PCDH15: variants seen among roughly 807,000 people sequenced by gnomAD.
PCDH15 encodes the protein protocadherin related 15.
PCDH15 carries 129 observed loss-of-function variants against 178.5 expected under a neutral mutation model. The observed-to-expected ratio is 0.72, with a 90% CI of 0.63 to 0.84. The LOEUF is 0.84. Ranked by LOEUF, PCDH15 falls within the 40% of genes least tolerant of loss-of-function variation. The probability of loss-of-function intolerance (pLI) is 0.00; values close to 1 mark genes in which losing one functional copy is unlikely to be tolerated. For missense variants in PCDH15, 2,230 were observed against 2,099.9 expected, an observed-to-expected ratio of 1.06 and a Z score of -1.21; for synonymous variants, 800 against 732.0, an observed-to-expected ratio of 1.09 and a Z score of -1.50.
chr10:54,076,145 T>A (rs560648185), intron 17 of PCDH15, among the ~76,000 whole-genome samples: 51 of 152,254 alleles, frequency 3.3e-4, no homozygotes, highest in African/African-American at 1.2e-3. Flanking sequence ...CCAAAATGTT[T>A]TGTAGTTTTC....
intron 1 of PCDH15, among the ~76,000 whole-genome samples, chr10:55,318,482 A>C (rs1198585383): frequency 6.6e-6 from 1 of 152,264 alleles, no homozygotes; most frequent in Non-Finnish European, 1.5e-5. Context: ...AGTGATAAAA[A>C]TCGAAAGTTC....
chr10:54,056,713 A>C (rs919492373), intron 18 of PCDH15, among the ~76,000 whole-genome samples: 4 of 152,036 alleles, frequency 2.6e-5, no homozygotes, highest in African/African-American at 9.7e-5. Flanking sequence ...AAAACCAATC[A>C]TGCCTTCCAA....
intron 1 of PCDH15, among the ~76,000 whole-genome samples, chr10:54,720,813 T>C (rs543715958): frequency 1.3e-5 from 2 of 152,168 alleles, no homozygotes; most frequent in East Asian, 3.9e-4. Flanking sequence ...CAACACCCTA[T>C]TGACACCACT....
intron 9 of PCDH15, among the ~76,000 whole-genome samples, chr10:54,216,907 G>A (rs544669337): frequency 6.6e-6 from 1 of 152,028 alleles, no homozygotes; most frequent in African/African-American, 2.4e-5. Context: ...CAAATGTAAT[G>A]ATAAATGATA....
intron 2 of PCDH15, among the ~76,000 whole-genome samples, chr10:55,567,036 A>G (rs560759898): frequency 3.2e-4 from 48 of 152,102 alleles, no homozygotes; most frequent in African/African-American, 1.1e-3. Flanking sequence ...AACTTACTAT[A>G]AAGCTACAGT....
chr10:54,137,152 C>A (rs2042977677), intron 14 of PCDH15, among the ~76,000 whole-genome samples: 1 of 152,134 alleles, frequency 6.6e-6, no homozygotes, highest in South Asian at 2.1e-4. Flanking sequence ...CATTTAAGCA[C>A]TTAATAAAAT....
chr10:55,289,764 A>G (rs567448013), intron 1 of PCDH15, among the ~76,000 whole-genome samples: 1 of 152,162 alleles, frequency 6.6e-6, no homozygotes, highest in South Asian at 2.1e-4. Flanking sequence ...CTATTGTAAC[A>G]ATATTAACAG....
intron 2 of PCDH15, among the ~76,000 whole-genome samples, chr10:55,500,220 T>C (rs1456171043): frequency 6.6e-6 from 1 of 151,802 alleles, no homozygotes; most frequent in Non-Finnish European, 1.5e-5. Context: ...ATGTATGATA[T>C]TTTAAAATTT....
At chr10:55,587,032 C>T (rs1208137714) in intron 2 of PCDH15, among the ~76,000 whole-genome samples, 8 of 152,068 alleles carry the variant, frequency 5.3e-5, no homozygotes. Flanking sequence ...CAAAGTTTTG[C>T]TAGTGTTTCA....
chr10:54,363,976 G>A (rs1039282536), intron 5 of PCDH15, among the ~76,000 whole-genome samples: 20 of 152,086 alleles, frequency 1.3e-4, no homozygotes, highest in African/African-American at 4.6e-4. Flanking sequence ...ACTTTGGGAG[G>A]CTGAGGCAGG....
intron 2 of PCDH15, among the ~76,000 whole-genome samples, chr10:55,492,378 G>C (rs1388006384): frequency 8.6e-5 from 13 of 151,618 alleles, no homozygotes; most frequent in Non-Finnish European, 1.5e-5. Context: ...ATCAATCCAG[G>C]GACTACTTCT....
At chr10:55,400,804 C>T (rs1838043690) in intron 2 of PCDH15, among the ~76,000 whole-genome samples, 1 of 152,070 alleles carries the variant, frequency 6.6e-6, no homozygotes, top group South Asian at 2.1e-4. Context: ...TGCCCTCATT[C>T]CAACATCTCT....
chr10:54,823,022 T>C (rs140773882), intron 3 of PCDH15, among the ~76,000 whole-genome samples: 3,499 of 152,008 alleles, frequency 0.023, 60 homozygotes, highest in Middle Eastern at 0.054. Context: ...GCTGGAATTA[T>C]GGGTGGGTGC....
At chr10:54,406,783 G>A (rs1426923899) in intron 3 of PCDH15, among the ~76,000 whole-genome samples, 1 of 152,106 alleles carries the variant, frequency 6.6e-6, no homozygotes, top group African/African-American at 2.4e-5. Context: ...AAACGTAAGA[G>A]TAAAAGGCCA....
intron 2 of PCDH15, among the ~76,000 whole-genome samples, chr10:55,517,829 T>G (rs1841057165): frequency 6.6e-6 from 1 of 151,964 alleles, no homozygotes; most frequent in African/African-American, 2.4e-5. Context: ...ATACTATTAA[T>G]ACTGACAAAC....
At chr10:54,208,448 G>A (rs1286212755) in intron 10 of PCDH15, among the ~76,000 whole-genome samples, 2 of 151,908 alleles carry the variant, frequency 1.3e-5, no homozygotes, top group East Asian at 3.9e-4. Flanking sequence ...TGAGAATAGA[G>A]GTCTCATAAA....
At chr10:53,882,767 CCT>C (rs1341324943) in intron 26 of PCDH15, among the ~76,000 whole-genome samples, 8 of 152,014 alleles carry the variant, frequency 5.3e-5, no homozygotes, top group African/African-American at 1.4e-4. Flanking sequence ...TTTGTTTTTC[CCT>C]CTGTTTTTCT....
intron 1 of PCDH15, among the ~76,000 whole-genome samples, chr10:54,735,948 A>G (rs1221843042): frequency 6.8e-6 from 1 of 147,354 alleles, no homozygotes; most frequent in Admixed American, 6.9e-5. Context: ...GCGCACCAGC[A>G]TGGCACATGT....
chr10:54,742,640 A>C (rs1944957455), intron 1 of PCDH15, among the ~76,000 whole-genome samples: 2 of 151,968 alleles, frequency 1.3e-5, no homozygotes, highest in Non-Finnish European at 2.9e-5. Flanking sequence ...GGCTATAAGG[A>C]TTGTGGAGAC....
Sources: gnomAD v4.1 joint callset for allele counts (sites outside exome capture counted in the v4.1 genomes callset) on GRCh38, gnomAD v4.1.1 for gene constraint, MANE v1.5 for transcripts, NCBI Gene and HGNC (gene_info 2026-07-23, HGNC 2026-07-21) for gene names.